SNX25: variants seen among roughly 807,000 people sequenced by gnomAD.
SNX25 encodes sorting nexin 25.
SNX25 carries 62 observed loss-of-function variants against 113.7 expected under a neutral mutation model. The ratio of observed to expected loss-of-function variants is 0.55; its 90% CI spans 0.44 to 0.67. The LOEUF is 0.67. SNX25 is among the 30% of genes least tolerant of loss of function. SNX25 has a pLI of 0.00. For synonymous variants in SNX25, 421 were observed against 436.2 expected (o/e 0.97, Z 0.43); for missense variants, 1,014 against 1,161.0 (o/e 0.87, Z 1.84).
chr4:185,312,091 G>T (rs1315570924), intron 7 of SNX25, among the ~76,000 whole-genome samples: 1 of 152,048 alleles, frequency 6.6e-6, no homozygotes, highest in African/African-American at 2.4e-5. Flanking sequence ...TAGCTTTTTG[G>T]TTTTGGCCTC....
chr4:185,264,293 T>A, intron 3 of SNX25, 145 bp from the exon 4 acceptor site: 1 of 767,032 alleles, frequency 1.3e-6, no homozygotes, highest in Non-Finnish European at 2.0e-6. Flanking sequence ...TCCAGATGAG[T>A]TGATGGTTGA....
chr4:185,377,248 T>C, the SNX25 span: 2 of 454,558 alleles, frequency 4.4e-6, no homozygotes, highest in African/African-American at 2.0e-5. Context: ...CCGGGCGCGG[T>C]GGCTCACGCC....
At chr4:185,205,163 AAGAC>A (rs1737131281), upstream of SNX25, among the ~76,000 whole-genome samples, 1 of 152,236 alleles carries the variant, frequency 6.6e-6, no homozygotes, top group South Asian at 2.1e-4. Context: ...TGTTGCCTAA[AAGAC>A]AGCATTGGCT....
At chr4:185,299,866 T>G (rs889843670) in intron 6 of SNX25, among the ~76,000 whole-genome samples, 6 of 152,188 alleles carry the variant, frequency 3.9e-5, no homozygotes, top group African/African-American at 1.4e-4. Flanking sequence ...TTCATTCAGC[T>G]TACTACAGCA....
Position 185,281,596 on chromosome 4 carries a change from T to C in SNX25, c.1092-6416T>C, listed in dbSNP as rs568219667. 2.0e-5 allele frequency among the ~76,000 whole-genome samples: 3 copies of C among 152,326 alleles called. No individual in the cohort carries two copies. The South Asian group carries it at 6.2e-4, about 32-fold the overall frequency. On this transcript the variant is annotated intron_variant, in intron 5 of 18. Transcript: ENST00000652585. Reference sequence around the variant, plus strand: ...CCAGCAGTCCCTTTTAGTAGTGCCATGGATGGGAAAAAACTTCAGCTTAGC... The same window carrying C: ...CCAGCAGTCCCTTTTAGTAGTGCCACGGATGGGAAAAAACTTCAGCTTAGC...
At chr4:185,368,794 TG>T (rs1280182869), downstream of SNX25, among the ~76,000 whole-genome samples, 65 of 142,366 alleles carry the variant, frequency 4.6e-4, no homozygotes, top group African/African-American at 7.8e-4. Flanking sequence ...GAATCTGTTT[TG>T]TTTTTTTTTT....
chr4:185,259,260 A>G (rs1251168301), intron 3 of SNX25, among the ~76,000 whole-genome samples, 196 bp downstream of exon 3: 2 of 152,062 alleles, frequency 1.3e-5, no homozygotes, highest in Non-Finnish European at 2.9e-5. Flanking sequence ...AAACCACTTT[A>G]TAAATACAAT....
intron 14 of SNX25, among the ~76,000 whole-genome samples, chr4:185,351,974 C>G (rs1165110377): frequency 6.6e-6 from 1 of 151,912 alleles, no homozygotes; most frequent in Non-Finnish European, 1.5e-5. Flanking sequence ...GGCCGGAGGT[C>G]GTTGGCCTGG....
chr4:185,241,819 G>A, intron 1 of SNX25, among the ~76,000 whole-genome samples: 1 of 152,106 alleles, frequency 6.6e-6, no homozygotes, highest in Non-Finnish European at 1.5e-5. Flanking sequence ...ATGATTGTCA[G>A]GAAGAGGTTG....
intron 6 of SNX25, among the ~76,000 whole-genome samples, chr4:185,296,498 T>C (rs536313980): frequency 6.6e-6 from 1 of 152,310 alleles, no homozygotes; most frequent in African/African-American, 2.4e-5. Context: ...TTGATTTTTT[T>C]CTTGATGGCC....
At chr4:185,302,690 T>C (rs1753882405) in intron 6 of SNX25, among the ~76,000 whole-genome samples, 2 of 152,230 alleles carry the variant, frequency 1.3e-5, no homozygotes, top group Admixed American at 1.3e-4. Flanking sequence ...GCTTGTGGAC[T>C]TCCAGCCTCC....
chr4:185,283,941 T>A (rs967355919), intron 5 of SNX25, among the ~76,000 whole-genome samples: 4 of 152,240 alleles, frequency 2.6e-5, no homozygotes, highest in Non-Finnish European at 5.9e-5. Context: ...GTACCCTTGA[T>A]GACTCATTTG....
At position 185,229,102 on chromosome 4, in the gene SNX25, C is replaced by T. The variant is rs140527729; in HGVS notation, c.430-18192C>T. On this transcript the variant is annotated intron_variant, in intron 1 of 18. Transcript: ENST00000652585. ...GGCCATGAAAGACTAGCAACGCCCG[C>T]GGTGTGGTTGTGGAATTTTTGTAGG... 2.4e-3 allele frequency among the ~76,000 whole-genome samples: 370 copies of T among 152,170 alleles called. 2 individuals are homozygous for T. The highest frequency in any genetic ancestry group is 8.4e-3 in the African/African-American group (350 of 41,472).
Position 185,320,850 on chromosome 4 carries a change from A to G in SNX25, c.1462A>G (p.Lys488Glu). 1.2e-6 allele frequency: 2 copies of G among 1,602,814 alleles called. No individual in the cohort carries two copies. Among genetic ancestry groups the G allele is most frequent in the Non-Finnish European group, 1.7e-6 (2 of 1,175,746 alleles). The change falls in exon 8 of 19, where the codon AAG becomes GAG. Residue 488 changes from lysine (K) to glutamate (E), a missense_variant. Transcript: ENST00000652585. ...TTTTTGGGAATCTGTGGAACATTTA[A>G]AGAATGCTAACAAGGTAGTATATGT... ...ISFWESVEHL[K>E]NANKNEIPQL...
chr4:185,222,409 C>T (rs1740103796), intron 1 of SNX25, among the ~76,000 whole-genome samples: 1 of 151,286 alleles, frequency 6.6e-6, no homozygotes, highest in South Asian at 2.1e-4. Flanking sequence ...CCCTATACCC[C>T]TCCCTCTCGG....
At chr4:185,300,804 G>A (rs1753552244) in intron 6 of SNX25, among the ~76,000 whole-genome samples, 1 of 146,662 alleles carries the variant, frequency 6.8e-6, no homozygotes, top group East Asian at 2.1e-4. Context: ...TCACCTTCAT[G>A]CATGGGATTA....
At chr4:185,314,680 A>G (rs2095056781) in intron 7 of SNX25, among the ~76,000 whole-genome samples, 1 of 150,758 alleles carries the variant, frequency 6.6e-6, no homozygotes, top group Non-Finnish European at 1.5e-5. Context: ...CAACTTGGTG[A>G]CACCCCATCT....
intron 5 of SNX25, among the ~76,000 whole-genome samples, chr4:185,283,754 G>A (rs1440581009): frequency 6.6e-6 from 1 of 152,138 alleles, no homozygotes; most frequent in Non-Finnish European, 1.5e-5. Context: ...TTCCTTCTCT[G>A]TAATGTGGAC....
intron 6 of SNX25, among the ~76,000 whole-genome samples, chr4:185,292,007 A>G (rs778721277): frequency 6.6e-6 from 1 of 152,172 alleles, no homozygotes; most frequent in African/African-American, 2.4e-5. Context: ...ATCTCTTTTC[A>G]GCAAGCTTTC....
Sources: gnomAD v4.1 joint callset for allele counts (sites outside exome capture counted in the v4.1 genomes callset) on GRCh38, gnomAD v4.1.1 for gene constraint, MANE v1.5 for transcripts, NCBI Gene and HGNC (gene_info 2026-07-23, HGNC 2026-07-21) for gene names.